TEX26: variants seen among roughly 807,000 people sequenced by gnomAD.
TEX26 encodes the protein testis-expressed protein 26.
A neutral mutation model predicts 35.3 loss-of-function variants in TEX26; 34 were observed. The ratio of observed to expected loss-of-function variants is 0.96; its 90% confidence interval spans 0.73 to 1.28. The LOEUF is 1.28. Ranked by LOEUF, TEX26 falls within the 50% of genes most tolerant of loss-of-function variation. TEX26 has a pLI of 0.00. For missense variants in TEX26, 371 were observed against 330.1 expected, an observed-to-expected ratio of 1.12 and a Z score of -0.96; for synonymous variants, 136 against 111.8, an observed-to-expected ratio of 1.22 and a Z score of -1.36.
chr13:30,947,389 G>A (rs1393384176), intron 2 of TEX26, among the ~76,000 whole-genome samples: 3 of 152,064 alleles, frequency 2.0e-5, no homozygotes, highest in Non-Finnish European at 2.9e-5. Context: ...ATAGAAATAA[G>A]TAAGTGCAAA....
In TEX26 at chr13:30,968,869, C is replaced by T; in HGVS notation, c.647-16C>T. On this transcript the variant is annotated splice_polypyrimidine_tract_variant and intron_variant, in intron 5 of 6. Transcript: ENST00000380473. ...TGCCAGCCTTCCGACCTCTCCTCCC[C>T]TGTGTATTTCTATAGTGCCTTCTGT... 3 of 1,610,696 alleles carry T rather than the reference C, an allele frequency of 1.9e-6. No individual in the cohort carries two copies. The South Asian group carries it at 3.3e-5, about 18-fold the overall frequency.
intron 5 of TEX26, among the ~76,000 whole-genome samples, chr13:30,967,609 G>T (rs117093942): frequency 1.2e-3 from 188 of 152,316 alleles, no homozygotes; most frequent in Non-Finnish European, 1.9e-3. Flanking sequence ...TCAGGGTGCA[G>T]TGTCAAATCC....
At chr13:30,942,713 T>A (rs774002952) in intron 2 of TEX26, among the ~76,000 whole-genome samples, 2 of 152,064 alleles carry the variant, frequency 1.3e-5, no homozygotes, top group Admixed American at 6.5e-5. Context: ...CTAGCCAATT[T>A]TCCCGGCACC....
rs966669974 is a variant in TEX26 at position 30,958,017 on chromosome 13, C to T, written c.469+988C>T. Among the ~76,000 whole-genome samples the T allele has an allele frequency of 2.5e-4, 38 of 152,204 alleles. 1 individual carries two copies. Among genetic ancestry groups the T allele is most frequent in the Non-Finnish European group, 3.8e-4 (26 of 68,050 alleles). ...CCTTTGTTAGAGATGAAAAGTCCAG[C>T]ACACTATTCATCCTGCTTCCTGGAA... On this transcript the variant is annotated intron_variant, in intron 4 of 6. Transcript: ENST00000380473.
intron 2 of TEX26, 79 bp from the exon 3 acceptor site, chr13:30,952,581 T>A: frequency 8.3e-7 from 1 of 1,200,056 alleles, no homozygotes; most frequent in Non-Finnish European, 1.2e-6. Context: ...ATGTAATGAG[T>A]AAAATGATTT....
chr13:30,958,691 C>A (rs575581514), intron 4 of TEX26, among the ~76,000 whole-genome samples: 1 of 152,200 alleles, frequency 6.6e-6, no homozygotes, highest in South Asian at 2.1e-4. Flanking sequence ...TGAACAAGAA[C>A]TTTATCTTTC....
chr13:30,957,603 A>G (rs1268090615), intron 4 of TEX26, among the ~76,000 whole-genome samples: 1 of 152,200 alleles, frequency 6.6e-6, no homozygotes, highest in East Asian at 1.9e-4. Flanking sequence ...CCCTTCAGGA[A>G]GAAGGTGGAC....
At chr13:30,957,881 T>C (rs543007255) in intron 4 of TEX26, among the ~76,000 whole-genome samples, 9 of 152,364 alleles carry the variant, frequency 5.9e-5, no homozygotes, top group East Asian at 5.8e-4. Flanking sequence ...ATGTCAGAGA[T>C]ACGGGAGTAA....
intron 3 of TEX26, among the ~76,000 whole-genome samples, chr13:30,953,597 C>T (rs1044891835): frequency 3.9e-5 from 6 of 152,174 alleles, no homozygotes; most frequent in South Asian, 2.1e-4. Context: ...GTGTTTCATA[C>T]GCTCTCAAAC....
At chr13:30,961,576 T>C (rs934762096) in intron 4 of TEX26, among the ~76,000 whole-genome samples, 1 of 152,248 alleles carries the variant, frequency 6.6e-6, no homozygotes, top group Non-Finnish European at 1.5e-5. Context: ...TCTACGATCA[T>C]TTTGCTGGAG....
intron 2 of TEX26, among the ~76,000 whole-genome samples, chr13:30,946,143 C>G (rs1163832338): frequency 6.6e-6 from 1 of 151,744 alleles, no homozygotes; most frequent in Non-Finnish European, 1.5e-5. Context: ...AGACTTTACT[C>G]ATTTCTTTTT....
intron 2 of TEX26, among the ~76,000 whole-genome samples, chr13:30,942,934 A>G (rs1450129318): frequency 1.3e-5 from 2 of 151,714 alleles, no homozygotes; most frequent in Non-Finnish European, 2.9e-5. Context: ...ATGCCTTCAG[A>G]TTTATTCTTT....
intron 4 of TEX26, 67 bp from the exon 5 acceptor site, chr13:30,966,155 C>G: frequency 6.4e-7 from 1 of 1,554,104 alleles, no homozygotes. Flanking sequence ...CTAAACACAG[C>G]AAGAGTGGGT....
At chr13:30,951,973 G>T (rs376911785) in intron 2 of TEX26, among the ~76,000 whole-genome samples, 31 of 34,916 alleles carry the variant, frequency 8.9e-4, no homozygotes, top group African/African-American at 1.1e-3. Context: ...CAAATTCTTT[G>T]TTGAAGAAAC....
At chr13:30,943,016 T>C (rs2138197037) in intron 2 of TEX26, among the ~76,000 whole-genome samples, 1 of 152,276 alleles carries the variant, frequency 6.6e-6, no homozygotes, top group South Asian at 2.1e-4. Context: ...TTTTTTCTAA[T>C]TCTGTGAAAA....
intron 1 of TEX26, among the ~76,000 whole-genome samples, chr13:30,938,185 A>C (rs145214118): frequency 1.4e-4 from 22 of 152,190 alleles, no homozygotes; most frequent in African/African-American, 5.3e-4. Context: ...CCACCCAGAT[A>C]TGAAGAGTGA....
At chr13:30,959,856 G>A (rs1447569557) in intron 4 of TEX26, among the ~76,000 whole-genome samples, 1 of 152,182 alleles carries the variant, frequency 6.6e-6, no homozygotes, top group Non-Finnish European at 1.5e-5. Flanking sequence ...ACTAATGCAT[G>A]TAAGTGTGGA....
chr13:30,945,236 G>A (rs541480737), intron 2 of TEX26, among the ~76,000 whole-genome samples: 8 of 151,750 alleles, frequency 5.3e-5, no homozygotes, highest in African/African-American at 1.9e-4. Context: ...TTGCTTTAAA[G>A]TCTGTTTTAT....
At chr13:30,939,327 T>C (rs950741490) in intron 1 of TEX26, among the ~76,000 whole-genome samples, 2 of 152,210 alleles carry the variant, frequency 1.3e-5, no homozygotes, top group Non-Finnish European at 2.9e-5. Context: ...CGTGTGTCTA[T>C]AGGTACATCT....
Sources: gnomAD v4.1 joint callset for allele counts (sites outside exome capture counted in the v4.1 genomes callset) on GRCh38, gnomAD v4.1.1 for gene constraint, MANE v1.5 for transcripts, NCBI Gene and HGNC (gene_info 2026-07-23, HGNC 2026-07-21) for gene names.